Variants in VPS13B observed in about 807,000 individuals in gnomAD.
The protein encoded by VPS13B is intermembrane lipid transfer protein VPS13B.
Under a neutral mutation model 426.4 loss-of-function variants are expected in VPS13B, and 285 were observed. The observed-to-expected ratio is 0.67, with a 90% CI of 0.61 to 0.74. The LOEUF (loss-of-function observed/expected upper bound fraction) is 0.74, where lower values mean the gene tolerates loss of function less well. Ranked by LOEUF, VPS13B falls within the 30% of genes least tolerant of loss-of-function variation. The probability of loss-of-function intolerance (pLI) is 0.00; values close to 1 mark genes in which losing one functional copy is unlikely to be tolerated. For missense variants in VPS13B, 4,537 were observed against 4,782.6 expected, an observed-to-expected ratio of 0.95 and a Z score of 1.51; for synonymous variants, 1,676 against 1,676.4, an observed-to-expected ratio of 1.00 and a Z score of 0.01.
At chr8:99,059,730 CTTTTTTTTTTT>C (rs34620587) in intron 3 of VPS13B, among the ~76,000 whole-genome samples, 1 of 110,182 alleles carries the variant, frequency 9.1e-6, no homozygotes, top group Non-Finnish European at 1.7e-5. Flanking sequence ...TTAGCTTCTG[CTTTTTTTTTTT>C]TTTTTTTTTG....
intron 61 of VPS13B, among the ~76,000 whole-genome samples, chr8:99,872,087 A>AT (rs1364224651): frequency 6.6e-6 from 1 of 152,140 alleles, no homozygotes; most frequent in East Asian, 1.9e-4. Context: ...TGGGGCAGCA[A>AT]TTCCACGCAA....
rs187505496 is a variant in VPS13B at position 99,100,314 on chromosome 8, C to T, written c.413-2639C>T. 5.3e-5 allele frequency among the ~76,000 whole-genome samples: 8 copies of T among 152,172 alleles called. No individual in the cohort carries two copies. The East Asian group carries it at 5.8e-4, about 11-fold the overall frequency. On this transcript the variant is annotated intron_variant, in intron 4 of 61. Transcript: ENST00000357162. The stretch of plus-strand genomic sequence containing the variant: ...AAAAAAATATATATATTTTGAGACA[C>T]GGTTTCACTCCTGTCACCCAGGCTG...
At chr8:99,855,976 A>G (rs1441870616) in intron 56 of VPS13B, among the ~76,000 whole-genome samples, 1 of 152,252 alleles carries the variant, frequency 6.6e-6, no homozygotes, top group African/African-American at 2.4e-5. Context: ...AGAAGCAGGC[A>G]CGTAGGTTAC....
In VPS13B at chr8:99,481,579, CT is replaced by C; in HGVS notation, c.3667-14del. 1 of 1,611,372 alleles carries C rather than the reference CT, an allele frequency of 6.2e-7. No individual in the cohort carries two copies. The highest frequency in any genetic ancestry group is 8.5e-7 in the Non-Finnish European group (1 of 1,178,956). On this transcript the variant is annotated intron_variant, in intron 24 of 61. Transcript: ENST00000357162. Reference sequence around the variant, plus strand: ...GAAGTTGAAAGACTTGTTTTCTTTTCTTTTTTCTTATGCTCTCAGGTCCAGC... The same window carrying C: ...GAAGTTGAAAGACTTGTTTTCTTTTCTTTTTCTTATGCTCTCAGGTCCAGC...
At chr8:99,084,766 G>T (rs1005153772) in intron 3 of VPS13B, among the ~76,000 whole-genome samples, 1 of 152,212 alleles carries the variant, frequency 6.6e-6, no homozygotes, top group Admixed American at 6.5e-5. Flanking sequence ...GAGTGGCTTT[G>T]AGTGAGTTTC....
intron 8 of VPS13B, among the ~76,000 whole-genome samples, chr8:99,132,228 A>G (rs750603297): frequency 4.6e-5 from 7 of 152,164 alleles, no homozygotes; most frequent in Non-Finnish European, 1.0e-4. Context: ...AATTGAAGTC[A>G]GTCCTTTTCA....
In VPS13B at chr8:99,602,332, C is replaced by T. The variant is rs947329936; in HGVS notation, c.5220+24699C>T. 3.3e-5 allele frequency among the ~76,000 whole-genome samples: 5 copies of T among 152,202 alleles called. No individual in the cohort carries two copies. The South Asian group carries it at 1.0e-3, about 32-fold the overall frequency. On this transcript the variant is annotated intron_variant, in intron 33 of 61. Coordinates refer to ENST00000357162, the MANE Select transcript of VPS13B (RefSeq NM_152564.5). ...TAGATGGGTGGTGTTATTTCTGAGACCTCTTTTCTGTTCCATTGGTCTATA... is the reference window on the plus strand; with the variant it reads ...TAGATGGGTGGTGTTATTTCTGAGATCTCTTTTCTGTTCCATTGGTCTATA...
intron 16 of VPS13B, among the ~76,000 whole-genome samples, chr8:99,179,232 T>C (rs1338669559): frequency 6.6e-6 from 1 of 152,196 alleles, no homozygotes; most frequent in Non-Finnish European, 1.5e-5. Flanking sequence ...TTTAGACAGG[T>C]GTTCTTAAAT....
At chr8:99,425,838 G>A (rs200485429) in intron 21 of VPS13B, among the ~76,000 whole-genome samples, 3 of 152,080 alleles carry the variant, frequency 2.0e-5, no homozygotes, top group Non-Finnish European at 4.4e-5. Context: ...TAAGCTGATA[G>A]GCAACTTCAG....
At chr8:99,390,662 C>T (rs1411550437) in intron 20 of VPS13B, among the ~76,000 whole-genome samples, 1 of 152,170 alleles carries the variant, frequency 6.6e-6, no homozygotes, top group Non-Finnish European at 1.5e-5. Flanking sequence ...CCACCAGATT[C>T]ACCATCTGAT....
At chr8:99,343,385 C>T (rs746910409) in intron 19 of VPS13B, among the ~76,000 whole-genome samples, 9 of 152,086 alleles carry the variant, frequency 5.9e-5, no homozygotes, top group Non-Finnish European at 7.4e-5. Context: ...CCACTGCTCC[C>T]GGCTGATTGC....
At chr8:99,652,970 A>C (rs1428283176) in intron 34 of VPS13B, among the ~76,000 whole-genome samples, 1 of 152,154 alleles carries the variant, frequency 6.6e-6, no homozygotes, top group African/African-American at 2.4e-5. Context: ...AAATGACCCA[A>C]CCAGCTGAGG....
chr8:99,863,268 A>T (rs1223886390), intron 58 of VPS13B, among the ~76,000 whole-genome samples: 2 of 152,164 alleles, frequency 1.3e-5, no homozygotes, highest in Non-Finnish European at 2.9e-5. Context: ...GGTTTCCAAG[A>T]GTGCCTCAGC....
chr8:99,825,450 GT>G (rs1814627477), intron 51 of VPS13B, among the ~76,000 whole-genome samples: 1 of 152,080 alleles, frequency 6.6e-6, no homozygotes, highest in African/African-American at 2.4e-5. Flanking sequence ...ATTTGATTAA[GT>G]TTCTTGTAGA....
At chr8:99,158,393 T>G (rs1278925688) in intron 15 of VPS13B, among the ~76,000 whole-genome samples, 3 of 151,554 alleles carry the variant, frequency 2.0e-5, no homozygotes, top group African/African-American at 4.9e-5. Context: ...ATTAGCCGGG[T>G]GTGGTGGTGT....
chr8:99,624,014 T>A (rs1465574016), intron 33 of VPS13B, among the ~76,000 whole-genome samples: 2,023 of 135,496 alleles, frequency 0.015, 11 homozygotes, highest in East Asian at 0.019. Context: ...TATATTTTTT[T>A]TTTTTTTTTT....
chr8:99,369,763 TTC>T (rs1383723603), intron 19 of VPS13B, among the ~76,000 whole-genome samples: 1 of 152,198 alleles, frequency 6.6e-6, no homozygotes, highest in Non-Finnish European at 1.5e-5. Flanking sequence ...TATGAGGAGT[TTC>T]ATCTATAGCA....
At chr8:99,380,568 G>A (rs2133285720) in intron 19 of VPS13B, among the ~76,000 whole-genome samples, 1 of 151,832 alleles carries the variant, frequency 6.6e-6, no homozygotes, top group Non-Finnish European at 1.5e-5. Flanking sequence ...CTGGGCCCAT[G>A]GAAAAAATAG....
intron 8 of VPS13B, among the ~76,000 whole-genome samples, chr8:99,124,308 G>A (rs1471670968): frequency 1.3e-5 from 2 of 152,210 alleles, no homozygotes; most frequent in African/African-American, 4.8e-5. Flanking sequence ...AAGCAAATGG[G>A]AAGACTGGTA....
Sources: allele counts gnomAD v4.1 joint callset (sites outside exome capture counted in the v4.1 genomes callset), GRCh38; gene constraint gnomAD v4.1.1; transcripts MANE v1.5; gene names NCBI Gene and HGNC (gene_info 2026-07-23, HGNC 2026-07-21).